Variants in DEPDC5 observed in about 807,000 individuals in gnomAD.
DEPDC5 encodes GATOR1 complex protein DEPDC5.
A neutral mutation model predicts 217.3 loss-of-function variants in DEPDC5; 73 were observed. That is an observed-to-expected ratio of 0.34 (90% confidence interval 0.28 to 0.41). The LOEUF (loss-of-function observed/expected upper bound fraction) is 0.41, where lower values mean the gene tolerates loss of function less well. Among genes scored for constraint, DEPDC5 ranks in the 10% least tolerant of loss-of-function variants. The pLI is 1.00. For missense variants in DEPDC5, 1,675 were observed against 2,070.1 expected, an observed-to-expected ratio of 0.81 and a Z score of 3.70; for synonymous variants, 733 against 756.7, an observed-to-expected ratio of 0.97 and a Z score of 0.51.
intron 18 of DEPDC5, among the ~76,000 whole-genome samples, chr22:31,808,258 A>T (rs866078715): frequency 5.3e-4 from 70 of 133,126 alleles, no homozygotes; most frequent in African/African-American, 1.7e-3. Flanking sequence ...ACCATGCCTA[A>T]TTTTTTTTTT....
chr22:31,764,440 G>A (rs375788591), intron 4 of DEPDC5, among the ~76,000 whole-genome samples: 3 of 151,928 alleles, frequency 2.0e-5, no homozygotes, highest in Non-Finnish European at 4.4e-5. Flanking sequence ...TATTGAGACA[G>A]AGTCTCATTC....
rs34494517 is a variant in DEPDC5 at position 31,791,925 on chromosome 22, CAAAAAAAAAAAAAAAA to C, written c.625-97_625-82del. 8 of 121,184 alleles carry C rather than the reference CAAAAAAAAAAAAAAAA, an allele frequency of 6.6e-5. 1 individual carries two copies. The highest frequency in any genetic ancestry group is 1.1e-4 in the Non-Finnish European group (8 of 71,326). The allele number at this position is 121,184 out of a possible 1,614,324, so 7.5% of individuals were successfully genotyped here. A position where few individuals can be genotyped will look rare whatever the true frequency, so the allele number is the denominator to read the frequency against. On this transcript the variant is annotated intron_variant, in intron 10 of 42. Coordinates refer to ENST00000651528, the MANE Select transcript of DEPDC5 (RefSeq NM_001242896.3). ...CTGGTGGCAGAGTAAGACTCCGTCT[CAAAAAAAAAAAAAAAA>C]AAAAAAAAAAGAATATTATATGCAT...
intron 21 of DEPDC5, chr22:31,815,813 A>G: frequency 8.2e-7 from 1 of 1,220,676 alleles, no homozygotes; most frequent in Non-Finnish European, 1.0e-6. Flanking sequence ...ACAGGCATGA[A>G]CCAATGTTAC....
intron 31 of DEPDC5, among the ~76,000 whole-genome samples, chr22:31,856,155 G>GCA (rs136863): frequency 0.38 from 53,487 of 140,240 alleles, 10,516 homozygotes; most frequent in East Asian, 0.68. Flanking sequence ...GGGCCAACGC[G>GCA]CACACACACA....
intron 22 of DEPDC5, 62 bp from the exon 23 acceptor site, chr22:31,821,440 G>T: frequency 6.3e-7 from 1 of 1,597,760 alleles, no homozygotes. Flanking sequence ...GGAGAGTATA[G>T]TTAAGTGCAC....
In DEPDC5 at chr22:31,836,993, C is replaced by G; in HGVS notation, c.2192C>G (p.Pro731Arg). The G allele has an allele frequency of 6.2e-7, 1 of 1,614,126 alleles. No individual in the cohort carries two copies. Among genetic ancestry groups the G allele is most frequent in the Non-Finnish European group, 8.5e-7 (1 of 1,180,026 alleles). The change falls in exon 26 of 43, where the codon CCT (proline) becomes CGT (arginine). Residue 731 changes from proline (P) to arginine (R), a missense_variant. By Grantham distance (103) the Pro-to-Arg change is moderately radical (BLOSUM62 -2). Around this residue, in one of 11 missense-constraint regions of DEPDC5, gnomAD observed 136 missense variants for 132.2 expected, o/e 1.03. Transcript: ENST00000651528. ...PDPILTLSAPPVVPGFCCTVG... is the reference protein window; with the variant it reads ...PDPILTLSAPRVVPGFCCTVG... ...GCAGTTCTGACACTGTCTGCTCCCC[C>G]TGTAGTGCCAGGCTTCTGTTGCACA... is the stretch of plus-strand genomic sequence containing the variant.
chr22:31,833,867 T>C, intron 24 of DEPDC5, 48 bp from the exon 25 acceptor site: 1 of 1,456,406 alleles, frequency 6.9e-7, no homozygotes, highest in Non-Finnish European at 9.2e-7. Flanking sequence ...TCAGAACTCT[T>C]TTGCAGAGTG....
intron 8 of DEPDC5, among the ~76,000 whole-genome samples, chr22:31,779,622 A>G (rs1331500731): frequency 6.6e-6 from 1 of 152,148 alleles, no homozygotes; most frequent in Admixed American, 6.6e-5. Context: ...GTGATACTTG[A>G]ATTATGCTTT....
At chr22:31,809,105 A>G (rs2148693391) in intron 18 of DEPDC5, among the ~76,000 whole-genome samples, 1 of 152,276 alleles carries the variant, frequency 6.6e-6, no homozygotes, top group African/African-American at 2.4e-5. Context: ...ATCTTTAAGA[A>G]AATGTAAAAA....
At chr22:31,805,189 TAGA>T (rs1321247661) in intron 17 of DEPDC5, 1 of 233,022 alleles carries the variant, frequency 4.3e-6, no homozygotes, top group Non-Finnish European at 8.5e-6. Context: ...CCACAGACTG[TAGA>T]AGACCAACAT....
At chr22:31,804,337 T>G (rs1252892815) in intron 16 of DEPDC5, 114 bp downstream of exon 16, 2 of 1,011,474 alleles carry the variant, frequency 2.0e-6, no homozygotes, top group Admixed American at 4.2e-5. Context: ...GAGGCTGAAG[T>G]GGGAAGATCC....
intron 8 of DEPDC5, 51 bp downstream of exon 8, chr22:31,778,219 C>G (rs1486680054): frequency 6.5e-7 from 1 of 1,550,314 alleles, no homozygotes; most frequent in Non-Finnish European, 8.9e-7. Context: ...ACTATTATGG[C>G]TAAGTCCTAA....
At chr22:31,885,266 G>A (rs977461370) in intron 38 of DEPDC5, among the ~76,000 whole-genome samples, 8 of 152,142 alleles carry the variant, frequency 5.3e-5, no homozygotes, top group Non-Finnish European at 7.4e-5. Flanking sequence ...TCCCCTGTCC[G>A]CCTCCTATGT....
intron 31 of DEPDC5, among the ~76,000 whole-genome samples, chr22:31,851,681 G>A (rs1020655060): frequency 2.6e-5 from 4 of 152,218 alleles, no homozygotes; most frequent in Admixed American, 2.6e-4. Flanking sequence ...GAGATGTGAG[G>A]TGAGCATGTT....
chr22:31,901,644 C>T (rs1325527051), intron 40 of DEPDC5, 98 bp from the exon 41 acceptor site: 2 of 1,043,814 alleles, frequency 1.9e-6, no homozygotes, highest in Non-Finnish European at 2.9e-6. Flanking sequence ...CTCAAGGGGA[C>T]TGATTGCCAA....
At chr22:31,780,783 C>G (rs2084351642) in intron 8 of DEPDC5, among the ~76,000 whole-genome samples, 1 of 152,204 alleles carries the variant, frequency 6.6e-6, no homozygotes, top group Admixed American at 6.5e-5. Flanking sequence ...TGTGCCATGT[C>G]ACTGGACTGT....
chr22:31,895,143 CAAAAAA>C (rs56247667), intron 39 of DEPDC5, among the ~76,000 whole-genome samples: 1 of 57,614 alleles, frequency 1.7e-5, no homozygotes, highest in African/African-American at 5.9e-5. Flanking sequence ...GAATCCGTCT[CAAAAAA>C]AAAAAAAAAA....
rs565560605 is a variant in DEPDC5, at chr22:31,836,437, A to G, written c.2171-535A>G. On this transcript the variant is annotated intron_variant, in intron 25 of 42. Transcript: ENST00000651528. ...CTGTCTCTTAAAGTTCCAGCCTCCT[A>G]ACTTTCCCAGATATCCTTACTTGAT... 2.6e-5 allele frequency among the ~76,000 whole-genome samples: 4 copies of G among 152,306 alleles called. No homozygotes were observed. The South Asian group carries it at 8.3e-4, about 32-fold the overall frequency.
chr22:31,775,374 T>C (rs576130683), intron 7 of DEPDC5, among the ~76,000 whole-genome samples: 1 of 152,118 alleles, frequency 6.6e-6, no homozygotes, highest in South Asian at 2.1e-4. Context: ...AAGACAGGGT[T>C]TCACCATGTT....
Sources: gnomAD v4.1 joint callset for allele counts (sites outside exome capture counted in the v4.1 genomes callset) on GRCh38, gnomAD v4.1.1 for gene constraint, gnomAD v4.1.1 regional missense constraint, MANE v1.5 for transcripts, NCBI Gene and HGNC (gene_info 2026-07-23, HGNC 2026-07-21) for gene names.